The following FREM1 variants were observed in gnomAD, a reference collection of about 807,000 sequenced individuals.
The protein encoded by FREM1 is FRAS1-related extracellular matrix protein 1.
Under a neutral mutation model 210.1 loss-of-function variants are expected in FREM1, and 220 were observed. That is an observed-to-expected ratio of 1.05 (90% confidence interval 0.94 to 1.17). The LOEUF (loss-of-function observed/expected upper bound fraction) is 1.17. Among genes scored for constraint, FREM1 ranks in the 50% most tolerant of loss-of-function variants. FREM1 has a pLI of 0.00. For synonymous variants in FREM1, 1,189 were observed against 980.2 expected (o/e 1.21, Z -3.98); for missense variants, 3,454 against 2,675.5 (o/e 1.29, Z -6.42).
At chr9:14,739,449 AATATATAT>A (rs56320339) in intron 36 of FREM1, among the ~76,000 whole-genome samples, 1,815 of 132,296 alleles carry the variant, frequency 0.014, 29 homozygotes, top group African/African-American at 0.043. Context: ...AATTATTTGG[AATATATAT>A]ATATATATAT....
At chr9:14,866,633 T>C (rs1211678346) in intron 2 of FREM1, among the ~76,000 whole-genome samples, 2 of 152,072 alleles carry the variant, frequency 1.3e-5, no homozygotes, top group African/African-American at 4.8e-5. Context: ...CAGTGGGAAT[T>C]TTCCTTCTTC....
intron 1 of FREM1, among the ~76,000 whole-genome samples, chr9:14,901,223 A>G (rs1838729897): frequency 6.6e-6 from 1 of 152,236 alleles, no homozygotes; most frequent in African/African-American, 2.4e-5. Context: ...ATCATTATTG[A>G]GCACATTAGA....
intron 22 of FREM1, among the ~76,000 whole-genome samples, chr9:14,789,478 T>C (rs1229342974): frequency 3.3e-5 from 5 of 152,216 alleles, no homozygotes; most frequent in South Asian, 4.1e-4. Context: ...ATTAAATGTA[T>C]TTCTTTCAGA....
chr9:14,747,769 G>A, intron 31 of FREM1, 41 bp from the exon 32 acceptor site: 1 of 1,255,486 alleles, frequency 8.0e-7, no homozygotes, highest in South Asian at 1.5e-5. Context: ...GAATTGGATT[G>A]ACTAATAACT....
chr9:14,777,063 C>A (rs1163389145), intron 24 of FREM1, among the ~76,000 whole-genome samples: 1 of 152,180 alleles, frequency 6.6e-6, no homozygotes, highest in Non-Finnish European at 1.5e-5. Context: ...ACTACTCTTG[C>A]AGAGTTTAAA....
intron 2 of FREM1, among the ~76,000 whole-genome samples, chr9:14,865,529 T>G (rs1402662459): frequency 6.6e-6 from 1 of 151,972 alleles, no homozygotes; most frequent in Non-Finnish European, 1.5e-5. Flanking sequence ...ACAAAACATT[T>G]TCTGTGCAAG....
chr9:14,886,361 G>T (rs1324308722), intron 1 of FREM1, among the ~76,000 whole-genome samples: 5 of 134,866 alleles, frequency 3.7e-5, no homozygotes, highest in Non-Finnish European at 7.7e-5. Context: ...ACTCCAGCCT[G>T]GTGACAGAGT....
rs1375541716 is a variant in FREM1, at chr9:14,848,647, C to G, written c.1261+18G>C. 7.0e-7 allele frequency: 1 copy of G among 1,429,454 alleles called. No homozygotes were observed. Among genetic ancestry groups the G allele is most frequent in the South Asian group, 1.2e-5 (1 of 86,318 alleles). 88.5% of individuals were successfully genotyped at this position (1,429,454 alleles called of 1,614,324 possible). ...CCCTTCAGGGCTATGTTGCTCTATG[C>G]CTTATATTGAGCTTTACCTGTATTC... On this transcript the variant is annotated intron_variant, in intron 7 of 36. Transcript: ENST00000380880.
intron 10 of FREM1, among the ~76,000 whole-genome samples, chr9:14,838,247 A>G (rs762890488): frequency 2.6e-5 from 4 of 152,200 alleles, no homozygotes; most frequent in Admixed American, 1.3e-4. Flanking sequence ...ATAAAACAAA[A>G]CCATGGAATA....
At chr9:14,740,401 G>A (rs1164251000) in intron 35 of FREM1, among the ~76,000 whole-genome samples, 167 bp from the exon 36 acceptor site, 2 of 152,196 alleles carry the variant, frequency 1.3e-5, no homozygotes, top group Admixed American at 1.3e-4. Context: ...AGTATCTGCA[G>A]GGTGGGGGTA....
At chr9:14,794,300 G>C (rs755259017) in intron 21 of FREM1, among the ~76,000 whole-genome samples, 3 of 152,188 alleles carry the variant, frequency 2.0e-5, no homozygotes, top group African/African-American at 4.8e-5. Context: ...ATCCTGCTGG[G>C]TATCTTGAGG....
At chr9:14,892,143 T>G (rs1160157488) in intron 1 of FREM1, among the ~76,000 whole-genome samples, 1 of 152,136 alleles carries the variant, frequency 6.6e-6, no homozygotes, top group African/African-American at 2.4e-5. Context: ...ACCCCTTTCC[T>G]GTAACATCTT....
Position 14,792,882 on chromosome 9 carries a change from T to C in FREM1, c.3842A>G (p.Lys1281Arg), listed in dbSNP as rs777511252. ...VNDEKPMLSK[K>R]AEIAMNMGET... ...ACCCATATTCATTGCAATTTCAGCC[T>C]TCCTGTAAAAAGAAAAATGTCTGGG... The change falls in exon 22 of 37, where the codon AAG becomes AGG. Residue 1281 changes from lysine to arginine, a missense_variant and splice_region_variant. By Grantham distance (26) the Lys-to-Arg change is conservative. Coordinates refer to ENST00000380880, the MANE Select transcript of FREM1 (RefSeq NM_001379081.2). 2 of 1,567,206 alleles carry C rather than the reference T, an allele frequency of 1.3e-6. No homozygotes were observed. Among genetic ancestry groups the C allele is most frequent in the Non-Finnish European group, 1.7e-6 (2 of 1,155,996 alleles).
intron 29 of FREM1, among the ~76,000 whole-genome samples, chr9:14,752,023 C>T (rs1159619306): frequency 6.7e-6 from 1 of 150,086 alleles, no homozygotes; most frequent in African/African-American, 2.5e-5. Context: ...TAATACCATA[C>T]AATTCCCATC....
At chr9:14,830,289 C>T (rs1225396216) in intron 10 of FREM1, among the ~76,000 whole-genome samples, 2 of 152,228 alleles carry the variant, frequency 1.3e-5, no homozygotes, top group East Asian at 3.9e-4. Flanking sequence ...ATTTTGTGTA[C>T]TGATTTATCA....
intron 8 of FREM1, 59 bp downstream of exon 8, chr9:14,845,901 C>A: frequency 1.3e-6 from 2 of 1,570,414 alleles, no homozygotes; most frequent in East Asian, 2.3e-5. Context: ...TTAAATATAT[C>A]TACTTTTGAA....
Position 14,743,902 on chromosome 9 carries a change from C to T in FREM1, c.6254+2451G>A, listed in dbSNP as rs1022793019. ...GGAGAAAAAAAGACCAATACCACTA[C>T]TTCTACTGGAGCTTTCAGTGCATTA... On this transcript the variant is annotated intron_variant, in intron 35 of 36. Transcript: ENST00000380880. Among the ~76,000 whole-genome samples the T allele has an allele frequency of 3.3e-5, 5 of 152,116 alleles. No individual in the cohort carries two copies. The South Asian group carries it at 8.3e-4, about 25-fold the overall frequency.
At chr9:14,881,976 G>C (rs1223295824) in intron 1 of FREM1, among the ~76,000 whole-genome samples, 1 of 152,192 alleles carries the variant, frequency 6.6e-6, no homozygotes, top group Non-Finnish European at 1.5e-5. Context: ...GCATAGGTTG[G>C]TGGAGCTGTG....
chr9:14,766,377 G>A (rs548185858), intron 27 of FREM1, among the ~76,000 whole-genome samples: 2 of 152,230 alleles, frequency 1.3e-5, no homozygotes, highest in East Asian at 3.9e-4. Flanking sequence ...TGTGTGTGGG[G>A]TGGCAGGTAG....
Sources: gnomAD v4.1 joint callset for allele counts (sites outside exome capture counted in the v4.1 genomes callset) on GRCh38, gnomAD v4.1.1 for gene constraint, MANE v1.5 for transcripts, NCBI Gene and HGNC (gene_info 2026-07-23, HGNC 2026-07-21) for gene names.